The following FER variants were observed in gnomAD, a reference collection of about 807,000 sequenced individuals.
FER encodes the protein tyrosine-protein kinase Fer.
In FER, 63 loss-of-function variants were observed where a neutral mutation model predicts 111.0. The observed-to-expected ratio is 0.57, with a 90% CI of 0.46 to 0.70. FER has a LOEUF of 0.70. Among genes scored for constraint, FER ranks in the 30% least tolerant of loss-of-function variants. The pLI, the probability that FER is intolerant of heterozygous loss-of-function variation, is 0.00. For synonymous variants in FER, 327 were observed against 313.9 expected (o/e 1.04, Z -0.44); for missense variants, 914 against 954.0 (o/e 0.96, Z 0.55).
chr5:108,775,658 A>G (rs563189879), intron 2 of FER, among the ~76,000 whole-genome samples: 7 of 152,310 alleles, frequency 4.6e-5, no homozygotes, highest in African/African-American at 1.7e-4. Context: ...TAGGCTGGCC[A>G]GTCAGGTGCT....
At chr5:108,997,851 G>A (rs180752947) in intron 13 of FER, among the ~76,000 whole-genome samples, 3 of 152,110 alleles carry the variant, frequency 2.0e-5, no homozygotes, top group Non-Finnish European at 2.9e-5. Context: ...ATCTAGAGGG[G>A]CAGTCTGGCC....
chr5:108,750,744 G>GT (rs899408878), intron 1 of FER, among the ~76,000 whole-genome samples: 29 of 152,314 alleles, frequency 1.9e-4, no homozygotes, highest in African/African-American at 7.0e-4. Context: ...AAATTTGCCA[G>GT]TTTTTTCTCA....
chr5:108,849,186 G>A (rs1179364537), intron 5 of FER, among the ~76,000 whole-genome samples: 1 of 151,730 alleles, frequency 6.6e-6, no homozygotes, highest in Non-Finnish European at 1.5e-5. Flanking sequence ...TGAGTTTTTA[G>A]TTTTCATCAA....
intron 10 of FER, among the ~76,000 whole-genome samples, chr5:108,936,143 C>G (rs1435326082): frequency 6.6e-6 from 1 of 151,950 alleles, no homozygotes; most frequent in Non-Finnish European, 1.5e-5. Context: ...AGTCCTGGCT[C>G]ACACTATTTG....
intron 14 of FER, among the ~76,000 whole-genome samples, chr5:109,042,077 C>T (rs1050657369): frequency 3.3e-5 from 5 of 151,976 alleles, no homozygotes. Context: ...CCATGAATTC[C>T]AGAAGGCACT....
At chr5:109,057,076 T>C (rs1189336661) in intron 16 of FER, among the ~76,000 whole-genome samples, 1 of 152,206 alleles carries the variant, frequency 6.6e-6, no homozygotes, top group East Asian at 1.9e-4. Context: ...AGTATATCTC[T>C]GTAGTTACAT....
intron 11 of FER, among the ~76,000 whole-genome samples, chr5:108,952,915 A>G (rs1019137370): frequency 6.6e-6 from 1 of 152,014 alleles, no homozygotes; most frequent in Admixed American, 6.6e-5. Flanking sequence ...TGTTACGTTG[A>G]CCTTTTAGAG....
intron 16 of FER, among the ~76,000 whole-genome samples, chr5:109,058,750 TG>T (rs1345335755): frequency 7.3e-6 from 1 of 137,622 alleles, no homozygotes; most frequent in African/African-American, 2.7e-5. Context: ...TTTTTTTTTT[TG>T]AGACGGAGTC....
In FER at chr5:108,855,598, A is replaced by G. The variant is rs1332004851; in HGVS notation, c.482-12169A>G. Reference sequence around the variant, plus strand: ...ATCGCGCCACTGCACTCCAGCGAAAAAAAAAAAAAAAAGAATACAAAAGAC... The same window carrying G: ...ATCGCGCCACTGCACTCCAGCGAAAGAAAAAAAAAAAAGAATACAAAAGAC... On this transcript the variant is annotated intron_variant, in intron 5 of 19. Coordinates refer to ENST00000281092, the MANE Select transcript of FER (RefSeq NM_005246.4). Among the ~76,000 whole-genome samples, 7 of 151,568 alleles carry G rather than the reference A, an allele frequency of 4.6e-5. No homozygotes were observed. In the East Asian group the frequency reaches 1.4e-3, roughly 29 times the overall value.
chr5:109,054,994 T>TTATA (rs1447990169), intron 16 of FER, among the ~76,000 whole-genome samples: 1 of 152,230 alleles, frequency 6.6e-6, no homozygotes, highest in African/African-American at 2.4e-5. Context: ...AGCTTTATAA[T>TTATA]AAGTCTTGAC....
intron 13 of FER, among the ~76,000 whole-genome samples, chr5:109,020,604 T>G (rs563356074): frequency 1.3e-5 from 2 of 152,020 alleles, no homozygotes; most frequent in Non-Finnish European, 2.9e-5. Flanking sequence ...TCTTCCCTAA[T>G]TAGAGAAATT....
chr5:109,094,233 C>G (rs1388605333), intron 16 of FER, among the ~76,000 whole-genome samples: 1 of 149,422 alleles, frequency 6.7e-6, no homozygotes, highest in East Asian at 2.0e-4. Context: ...GCTACAAAAA[C>G]AGAGTGAAAA....
At chr5:108,926,565 A>G (rs1007002960) in intron 10 of FER, among the ~76,000 whole-genome samples, 3 of 152,210 alleles carry the variant, frequency 2.0e-5, no homozygotes, top group Non-Finnish European at 4.4e-5. Flanking sequence ...TTGAACTCTC[A>G]TAATTATGAA....
intron 13 of FER, among the ~76,000 whole-genome samples, chr5:108,979,171 A>G (rs1761747206): frequency 6.6e-6 from 1 of 152,172 alleles, no homozygotes; most frequent in South Asian, 2.1e-4. Context: ...GTTATAGACA[A>G]TTAAAGCAAT....
At chr5:108,940,707 T>G (rs1215100051) in intron 10 of FER, among the ~76,000 whole-genome samples, 1 of 152,068 alleles carries the variant, frequency 6.6e-6, no homozygotes, top group Admixed American at 6.6e-5. Flanking sequence ...CTACTCTTAC[T>G]CAAGTGTTTT....
chr5:108,792,980 G>A (rs1755551358), intron 2 of FER, among the ~76,000 whole-genome samples: 1 of 151,972 alleles, frequency 6.6e-6, no homozygotes, highest in East Asian at 1.9e-4. Flanking sequence ...GGTAAATGGG[G>A]TATCCATCAC....
chr5:109,133,686 T>C (rs117969876), intron 17 of FER, among the ~76,000 whole-genome samples: 1 of 152,254 alleles, frequency 6.6e-6, no homozygotes, highest in East Asian at 1.9e-4. Context: ...CTGTATCTTC[T>C]CCATTTATGT....
intron 17 of FER, among the ~76,000 whole-genome samples, chr5:109,164,732 C>T (rs1458549350): frequency 6.6e-6 from 1 of 152,030 alleles, no homozygotes; most frequent in Non-Finnish European, 1.5e-5. Flanking sequence ...ATTGTCACAC[C>T]TTCTGTTTGG....
intron 15 of FER, 175 bp downstream of exon 15, chr5:109,044,970 A>G (rs552641805): frequency 7.2e-5 from 33 of 456,158 alleles, no homozygotes; most frequent in African/African-American, 5.6e-4. Context: ...TTCAGCAATC[A>G]TAGTCAAACC....
Sources: allele counts gnomAD v4.1 joint callset (sites outside exome capture counted in the v4.1 genomes callset), GRCh38; gene constraint gnomAD v4.1.1; transcripts MANE v1.5; gene names NCBI Gene and HGNC (gene_info 2026-07-23, HGNC 2026-07-21).